The following WASHC5 variants were observed in gnomAD, a reference collection of about 807,000 sequenced individuals.
WASHC5 encodes the protein WASH complex subunit 5.
A neutral mutation model predicts 150.4 loss-of-function variants in WASHC5; 101 were observed. The ratio of observed to expected loss-of-function variants is 0.67; its 90% confidence interval spans 0.57 to 0.79. The LOEUF (loss-of-function observed/expected upper bound fraction) is 0.79. Among genes scored for constraint, WASHC5 ranks in the 30% least tolerant of loss-of-function variants. WASHC5 has a pLI of 0.00. For synonymous variants in WASHC5, 467 were observed against 491.2 expected (o/e 0.95, Z 0.65); for missense variants, 1,195 against 1,396.3 (o/e 0.86, Z 2.30).
chr8:125,059,484 G>A lies in WASHC5; in HGVS notation c.1580C>T (p.Thr527Ile), dbSNP rs150556994. The change falls in exon 13 of 29, where the codon ACT becomes ATT. Residue 527 changes from threonine (T) to isoleucine (I), a missense_variant. Thr to Ile is a moderately conservative substitution (Grantham distance 89, BLOSUM62 -1). Transcript: ENST00000318410. The part of the protein sequence containing the change: ...NLQVCQFLAD[T>I]RKFLHQMIRT... ...GATCATTTGATGAAGAAACTTTCGA[G>A]TATCGGCAAGAAACTGACATACTTG... The A allele has an allele frequency of 4.3e-6, 7 of 1,613,772 alleles. No homozygotes were observed. The highest frequency in any genetic ancestry group is 1.3e-5 in the African/African-American group (1 of 74,912).
At chr8:125,080,956 CCAA>C (rs1817240655) in intron 5 of WASHC5, among the ~76,000 whole-genome samples, 1 of 152,094 alleles carries the variant, frequency 6.6e-6, no homozygotes, top group Non-Finnish European at 1.5e-5. Context: ...CTTATATCTG[CCAA>C]GGAGTAATAT....
At chr8:125,052,407 A>G (rs1017048317) in intron 17 of WASHC5, among the ~76,000 whole-genome samples, 3 of 152,164 alleles carry the variant, frequency 2.0e-5, no homozygotes, top group Admixed American at 6.5e-5. Flanking sequence ...CCTGAAGTTA[A>G]CAACAGTAAC....
chr8:125,079,914 G>T (rs1361005505), intron 5 of WASHC5, among the ~76,000 whole-genome samples: 1 of 152,086 alleles, frequency 6.6e-6, no homozygotes. Context: ...AAAATTGTGG[G>T]TAAAGAATGT....
chr8:125,088,579 G>A (rs79849800), intron 1 of WASHC5, among the ~76,000 whole-genome samples: 3,175 of 152,170 alleles, frequency 0.021, 55 homozygotes, highest in Non-Finnish European at 0.033. Context: ...GTGTGAGAGA[G>A]CCCTGGGGAG....
intron 23 of WASHC5, among the ~76,000 whole-genome samples, chr8:125,042,857 AAAC>A (rs764423730): frequency 6.6e-5 from 10 of 152,074 alleles, no homozygotes; most frequent in African/African-American, 9.7e-5. Context: ...TTAATGATCC[AAAC>A]AACAACAACA....
chr8:125,033,116 G>C (rs915202978), intron 26 of WASHC5, among the ~76,000 whole-genome samples: 1 of 152,102 alleles, frequency 6.6e-6, no homozygotes, highest in African/African-American at 2.4e-5. Context: ...ACCTCTGCCT[G>C]GGTGGCTGCA....
intron 18 of WASHC5, among the ~76,000 whole-genome samples, chr8:125,050,029 ATGAC>A (rs1230837170): frequency 6.8e-6 from 1 of 146,700 alleles, no homozygotes; most frequent in Non-Finnish European, 1.5e-5. Flanking sequence ...AAAAAAAAGA[ATGAC>A]TGTGATTTCT....
At position 125,049,374 on chromosome 8, in the gene WASHC5, C is replaced by T. The variant is rs535884075; in HGVS notation, c.2200-189G>A. Among the ~76,000 whole-genome samples the T allele has an allele frequency of 1.6e-4, 24 of 151,704 alleles. No homozygotes were observed. The Middle Eastern group carries it at 0.024, about 150-fold the overall frequency. ...AGGAGTTCAAGACCAGCCTGGCCAA[C>T]GTTGCGAAACCCTGACTCTACTAAA... On this transcript the variant is annotated intron_variant, in intron 18 of 28. Transcript: ENST00000318410.
chr8:125,070,342 G>A (rs188463894), intron 9 of WASHC5, among the ~76,000 whole-genome samples: 2 of 152,152 alleles, frequency 1.3e-5, no homozygotes, highest in Admixed American at 6.5e-5. Flanking sequence ...GATAAATTAC[G>A]ACCCTGTGCA....
intron 15 of WASHC5, 144 bp from the exon 16 acceptor site, chr8:125,056,961 G>T (rs1816425912): frequency 1.1e-6 from 1 of 881,140 alleles, no homozygotes; most frequent in Non-Finnish European, 1.9e-6. Context: ...GGCAGGCACA[G>T]GGCTCCATTC....
At chr8:125,081,582 C>T in intron 5 of WASHC5, 79 bp downstream of exon 5, 2 of 832,992 alleles carry the variant, frequency 2.4e-6, no homozygotes, top group South Asian at 1.3e-5. Flanking sequence ...CTGCTGTTCA[C>T]AGTATAAGGA....
rs539338883 is a variant in WASHC5, at chr8:125,024,492, T to C, written c.*125A>G. Reference sequence around the variant, plus strand: ...TATATCTTACTCAGAACGTCTGATGTTTCCCATAATAGACAGAAAAAATGC... The same window carrying C: ...TATATCTTACTCAGAACGTCTGATGCTTCCCATAATAGACAGAAAAAATGC... On this transcript the variant is annotated 3_prime_UTR_variant, in exon 29 of 29. Coordinates refer to ENST00000318410, the MANE Select transcript of WASHC5 (RefSeq NM_014846.4). 3.7e-5 allele frequency: 28 copies of C among 752,434 alleles called. No homozygotes were observed. The highest frequency in any genetic ancestry group is 2.5e-4 in the Middle Eastern group (1 of 4,002). 46.6% of individuals were successfully genotyped at this position (752,434 alleles called of 1,614,324 possible).
intron 27 of WASHC5, among the ~76,000 whole-genome samples, chr8:125,029,514 G>A (rs1168708507): frequency 6.6e-6 from 1 of 152,180 alleles, no homozygotes; most frequent in Non-Finnish European, 1.5e-5. Context: ...CGAGGGCCTA[G>A]GTCATATGTT....
At chr8:125,058,832 T>G (rs1434353535) in intron 14 of WASHC5, among the ~76,000 whole-genome samples, 2 of 152,200 alleles carry the variant, frequency 1.3e-5, no homozygotes, top group African/African-American at 4.8e-5. Flanking sequence ...CAATATTCCC[T>G]GTTACTGTAG....
rs372009088 is a variant in WASHC5, at chr8:125,044,584, T to G, written c.2619A>C (p.Leu873=). ...AGCACAGAAGCCTGTCTAAGCCATT[T>G]AGACCAAAGGTTCCCAAGGTGGTCT... ...EIQTTLGTFG[L]NGLDRLLCFM... The change falls in exon 21 of 29, where the codon CTA becomes CTC. Residue 873 remains leucine, a synonymous_variant. Transcript: ENST00000318410. 1 of 1,614,070 alleles carries G rather than the reference T, an allele frequency of 6.2e-7. No individual in the cohort carries two copies. The highest frequency in any genetic ancestry group is 8.5e-7 in the Non-Finnish European group (1 of 1,180,000).
rs189428550 is a variant in WASHC5 at position 125,050,386 on chromosome 8, A to G, written c.2199+178T>C. On this transcript the variant is annotated intron_variant, in intron 18 of 28. Transcript: ENST00000318410. Reference sequence around the variant, plus strand: ...AATTTCATATTTATACTATAAATTTATAATATGAATGGATTATAAGATCAA... The same window carrying G: ...AATTTCATATTTATACTATAAATTTGTAATATGAATGGATTATAAGATCAA... Among the ~76,000 whole-genome samples, 6 of 152,336 alleles carry G rather than the reference A, an allele frequency of 3.9e-5. No individual in the cohort carries two copies. In the East Asian group the frequency reaches 5.8e-4, roughly 15 times the overall value.
chr8:125,087,000 C>G lies in WASHC5; in HGVS notation c.-124-2978G>C, dbSNP rs562238333. 7.9e-5 allele frequency among the ~76,000 whole-genome samples: 12 copies of G among 152,282 alleles called. No homozygotes were observed. The South Asian group carries it at 2.3e-3, about 29-fold the overall frequency. ...GGATGAGGCTATTCGGCTTCTGCAG[C>G]CAGCAAAGCCCTCTGTGCCTTTTCC... On this transcript the variant is annotated intron_variant, in intron 1 of 28. Coordinates refer to ENST00000318410, the MANE Select transcript of WASHC5 (RefSeq NM_014846.4).
At position 125,044,551 on chromosome 8, in the gene WASHC5, A is replaced by C; in HGVS notation, c.2652T>G (p.Ile884Met). 6.2e-7 allele frequency: 1 copy of C among 1,614,076 alleles called. No homozygotes were observed. Among genetic ancestry groups the C allele is most frequent in the Middle Eastern group, 1.6e-4 (1 of 6,062 alleles). The change falls in exon 21 of 29, where the codon ATT becomes ATG. Residue 884 changes from isoleucine (I) to methionine (M), a missense_variant. Ile to Met is a conservative substitution (Grantham distance 10). Transcript: ENST00000318410. Reference sequence around the variant, plus strand: ...AAAGGCTCACCTGTAACTCTTTTACAATCATAAAGCACAGAAGCCTGTCTA... The same window carrying C: ...AAAGGCTCACCTGTAACTCTTTTACCATCATAAAGCACAGAAGCCTGTCTA... The part of the protein sequence containing the change: ...NGLDRLLCFM[I>M]VKELQNFLSM...
intron 6 of WASHC5, among the ~76,000 whole-genome samples, chr8:125,076,941 C>T (rs147870143): frequency 6.8e-4 from 103 of 152,242 alleles, no homozygotes; most frequent in African/African-American, 2.2e-3. Flanking sequence ...TCGCTCATGA[C>T]CTCACAACCA....
Sources: gnomAD v4.1 joint callset for allele counts (sites outside exome capture counted in the v4.1 genomes callset) on GRCh38, gnomAD v4.1.1 for gene constraint, MANE v1.5 for transcripts, NCBI Gene and HGNC (gene_info 2026-07-23, HGNC 2026-07-21) for gene names.